The following SBNO2 variants were observed in gnomAD, a reference collection of about 807,000 sequenced individuals.
The protein encoded by SBNO2 is strawberry notch homolog 2.
SBNO2 carries 89 observed loss-of-function variants against 146.3 expected under a neutral mutation model. That is an observed-to-expected ratio of 0.61 (90% confidence interval 0.51 to 0.73). The LOEUF is 0.73. SBNO2 is among the 30% of genes least tolerant of loss of function. The pLI, the probability that SBNO2 is intolerant of heterozygous loss-of-function variation, is 0.00. For synonymous variants in SBNO2, 1,147 were observed against 892.6 expected (o/e 1.29, Z -5.08); for missense variants, 2,092 against 2,003.7 (o/e 1.04, Z -0.84).
chr19:1,113,550 G>A lies in SBNO2; in HGVS notation c.2232C>T (p.Pro744=), dbSNP rs2079793960. ...TCCCACCCACCTCCGCCACCCGCTG[G>A]GGGCCGCCCAGCTGGTCGATGAGCT... The part of the protein sequence containing the change: ...LDELIDQLGG[P]QRVAEMTGRK... The change falls in exon 19 of 32, where the codon CCC becomes CCT. Residue 744 remains proline (P), a synonymous_variant. Transcript: ENST00000361757. 1 of 1,597,496 alleles carries A rather than the reference G, an allele frequency of 6.3e-7. No individual in the cohort carries two copies. Among genetic ancestry groups the A allele is most frequent in the Admixed American group, 1.7e-5 (1 of 58,018 alleles).
rs771794212 is a variant in SBNO2 at position 1,109,618 on chromosome 19, G to C, written c.3124-20C>G. 6 of 1,566,032 alleles carry C rather than the reference G, an allele frequency of 3.8e-6. 1 individual carries two copies. Among genetic ancestry groups the C allele is most frequent in the South Asian group, 2.3e-5 (2 of 85,568 alleles). ...GCTGATCTGCCACGGCACGGGGTGG[G>C]GGGGTGTGAGTGTGGTGGGGGCGGG... On this transcript the variant is annotated intron_variant, in intron 27 of 31. Coordinates refer to ENST00000361757, the MANE Select transcript of SBNO2 (RefSeq NM_014963.3). The surrounding 1 kb of genome is among the most constrained non-coding windows in gnomAD (Gnocchi z 4.2).
chr19:1,121,598 TTGC>T (rs1031525976), intron 11 of SBNO2, among the ~76,000 whole-genome samples: 2 of 152,186 alleles, frequency 1.3e-5, no homozygotes, highest in African/African-American at 4.8e-5. Flanking sequence ...TGCCGTGCCT[TTGC>T]TGCTAACTGT....
rs531211957 is a variant in SBNO2, at chr19:1,126,048, C to T, written c.441+1556G>A. ...GCATCTCTTCTAGACCCGGTCCCCC[C>T]CTTGAACTCCAACGTCCTGAGACGG... On this transcript the variant is annotated intron_variant, in intron 5 of 31. Coordinates refer to ENST00000361757, the MANE Select transcript of SBNO2 (RefSeq NM_014963.3). This position sits in a 1 kb window ranked among gnomAD's most constrained non-coding sequence, Gnocchi z 4.4. Among the ~76,000 whole-genome samples, 2 of 152,186 alleles carry T rather than the reference C, an allele frequency of 1.3e-5. No homozygotes were observed. Among genetic ancestry groups the T allele is most frequent in the Non-Finnish European group, 2.9e-5 (2 of 68,046 alleles).
intron 14 of SBNO2, 86 bp downstream of exon 14, chr19:1,118,925 G>T: frequency 7.2e-7 from 1 of 1,388,286 alleles, no homozygotes; most frequent in Non-Finnish European, 9.8e-7. Context: ...GTCACCTGAT[G>T]ACGCCTGTGG....
chr19:1,142,180 C>CTCA (rs1444145032), intron 4 of SBNO2, among the ~76,000 whole-genome samples: 6 of 122,890 alleles, frequency 4.9e-5, no homozygotes, highest in African/African-American at 1.6e-4. Context: ...CCTCCCTCCC[C>CTCA]ATGATCAACC....
Position 1,147,421 on chromosome 19 carries a change from C to T in SBNO2, c.168-1G>A, listed in dbSNP as rs953580260. ...GAAGGAGGCGGAGCTCATGAACGGGCTGGAGGGAGATGGGGGGGGGGGAGG... is the reference window on the plus strand; with the variant it reads ...GAAGGAGGCGGAGCTCATGAACGGGTTGGAGGGAGATGGGGGGGGGGGAGG... On this transcript the variant is annotated splice_acceptor_variant, in intron 3 of 31. Coordinates refer to ENST00000361757, the MANE Select transcript of SBNO2 (RefSeq NM_014963.3). LOFTEE classifies it high-confidence loss of function. 4.8e-6 allele frequency: 5 copies of T among 1,045,340 alleles called. No homozygotes were observed. Among genetic ancestry groups the T allele is most frequent in the Non-Finnish European group, 6.4e-6 (5 of 777,608 alleles). 64.8% of individuals were successfully genotyped at this position (1,045,340 alleles called of 1,614,324 possible).
At position 1,122,539 on chromosome 19, in the gene SBNO2, G is replaced by A. The variant is rs780210721; in HGVS notation, c.934C>T (p.Leu312Phe). ...KALWFSVSND[L>F]KYDAERDLRD... ...AGGTCGCGCTCCGCATCGTACTTGA[G>A]GTCGTTGGAGACGCTGAACCTGCGG... Residue 312 changes from leucine (L) to phenylalanine (F), a missense_variant, in exon 10 of 32, where the codon CTC becomes TTC. Transcript: ENST00000361757. 6.4e-7 allele frequency: 1 copy of A among 1,552,240 alleles called. No individual in the cohort carries two copies. The highest frequency in any genetic ancestry group is 8.7e-7 in the Non-Finnish European group (1 of 1,150,246).
rs1238200639 is a variant in SBNO2, at chr19:1,117,433, G to A, written c.1594C>T (p.Leu532=). ...TGTGCCGACCAGAACTGGCCCCACA[G>A]GGACTTGCGCGACTCCAGGCCGATC... is the stretch of plus-strand genomic sequence containing the variant. The part of the protein sequence containing the change: ...DWIGLESRKS[L]WGQFWSAHQR... Residue 532 remains leucine (L), a synonymous_variant, in exon 15 of 32, where the codon CTG becomes TTG. Coordinates refer to ENST00000361757, the MANE Select transcript of SBNO2 (RefSeq NM_014963.3). 5 of 1,590,616 alleles carry A rather than the reference G, an allele frequency of 3.1e-6. No individual in the cohort carries two copies. Among genetic ancestry groups the A allele is most frequent in the Non-Finnish European group, 4.3e-6 (5 of 1,170,090 alleles).
At chr19:1,118,013 C>T (rs1020145804) in intron 14 of SBNO2, among the ~76,000 whole-genome samples, 4 of 152,288 alleles carry the variant, frequency 2.6e-5, no homozygotes, top group East Asian at 1.9e-4. Context: ...CTGGGGGTTA[C>T]GGGAGATGCT....
At chr19:1,120,065 G>T in intron 11 of SBNO2, 42 bp from the exon 12 acceptor site, 2 of 1,502,898 alleles carry the variant, frequency 1.3e-6, no homozygotes, top group Non-Finnish European at 1.8e-6. Flanking sequence ...AAGGACGGGG[G>T]CGACCCCAGG....
intron 11 of SBNO2, 196 bp from the exon 12 acceptor site, chr19:1,120,219 C>A: frequency 1.7e-6 from 1 of 590,076 alleles, no homozygotes; most frequent in Non-Finnish European, 3.0e-6. Context: ...CCCACACGAC[C>A]ATTAGATGGG....
At chr19:1,132,055 CG>C (rs1568594935) in intron 4 of SBNO2, 3 of 1,490,906 alleles carry the variant, frequency 2.0e-6, no homozygotes, top group Admixed American at 2.3e-5. Context: ...CCCCTGCCCC[CG>C]AGGGCCTCGC....
intron 1 of SBNO2, among the ~76,000 whole-genome samples, chr19:1,164,875 G>A (rs1449716143): frequency 2.0e-5 from 2 of 99,354 alleles, no homozygotes; most frequent in African/African-American, 7.7e-5. Context: ...AGGAACAGGA[G>A]GAGGAGGAGG....
rs542291859 is a variant in SBNO2, at chr19:1,119,023, G to T, written c.1515C>A (p.Arg505=). The T allele has an allele frequency of 2.5e-6, 4 of 1,597,014 alleles. No individual in the cohort carries two copies. Among genetic ancestry groups the T allele is most frequent in the East Asian group, 2.3e-5 (1 of 44,358 alleles). ...LAPAFECVYN[R]AALLWAEALN... is the part of the protein sequence containing the mutation. ...TGCGCAGGCTCACCAGCAGGGCCGC[G>T]CGGTTGTAGACGCACTCGAAGGCTG... is the stretch of plus-strand genomic sequence containing the variant. The change falls in exon 14 of 32, where the codon CGC becomes CGA. Residue 505 remains arginine, a synonymous_variant. Transcript: ENST00000361757.
Position 1,158,370 on chromosome 19 carries a change from T to C in SBNO2, c.-126-3968A>G, listed in dbSNP as rs953393687. On this transcript the variant is annotated intron_variant, in intron 1 of 31. Coordinates refer to ENST00000361757, the MANE Select transcript of SBNO2 (RefSeq NM_014963.3). The surrounding 1 kb of genome is among the most constrained non-coding windows in gnomAD (Gnocchi z 9.9). ...TTTCGGATGTGGACACGGAGGCCCC[T>C]AGGTGGAGCCTTGACGTGACCCCCA... 6.6e-6 allele frequency among the ~76,000 whole-genome samples: 1 copy of C among 152,056 alleles called. No individual in the cohort carries two copies. Among genetic ancestry groups the C allele is most frequent in the Non-Finnish European group, 1.5e-5 (1 of 68,000 alleles).
Position 1,158,173 on chromosome 19 carries a change from C to T in SBNO2, c.-126-3771G>A, listed in dbSNP as rs2080310205. Among the ~76,000 whole-genome samples, 1 of 152,202 alleles carries T rather than the reference C, an allele frequency of 6.6e-6. No individual in the cohort carries two copies. Among genetic ancestry groups the T allele is most frequent in the Admixed American group, 6.5e-5 (1 of 15,282 alleles). On this transcript the variant is annotated intron_variant, in intron 1 of 31. Coordinates refer to ENST00000361757, the MANE Select transcript of SBNO2 (RefSeq NM_014963.3). This position sits in a 1 kb window ranked among gnomAD's most constrained non-coding sequence, Gnocchi z 9.9. ...AGCAACAGCTCAGCCTCCTGATGTT[C>T]AGAACTGGCCACTGTGCGGACCCTC...
At chr19:1,147,104 C>T (rs1384421904) in intron 4 of SBNO2, among the ~76,000 whole-genome samples, 5 of 152,092 alleles carry the variant, frequency 3.3e-5, no homozygotes, top group Non-Finnish European at 5.9e-5. Context: ...ACTGCTGACA[C>T]GAAGGGCCAG....
intron 4 of SBNO2, among the ~76,000 whole-genome samples, chr19:1,133,887 G>A (rs114626891): frequency 6.6e-6 from 1 of 152,330 alleles, no homozygotes; most frequent in African/African-American, 2.4e-5. Context: ...AGTGGCCTGG[G>A]AACCATCCTG....
At position 1,111,634 on chromosome 19, in the gene SBNO2, C is replaced by T. The variant is rs371604439; in HGVS notation, c.2701-20G>A. On this transcript the variant is annotated intron_variant, in intron 23 of 31. Transcript: ENST00000361757. ...GCCATACTAGGGGGAGAAGGTGACT[C>T]GGGGAGGAGGCCCAGGGAGGAGGCT... The T allele has an allele frequency of 1.1e-3, 1,651 of 1,545,704 alleles. 7 individuals are homozygous for T. The Middle Eastern group carries it at 0.018, about 17-fold the overall frequency.
Sources: gnomAD v4.1 joint callset for allele counts (sites outside exome capture counted in the v4.1 genomes callset) on GRCh38, gnomAD v4.1.1 for gene constraint, Gnocchi (gnomAD v3.1) non-coding constraint, MANE v1.5 for transcripts, NCBI Gene and HGNC (gene_info 2026-07-23, HGNC 2026-07-21) for gene names.